Variants in DNAI1 observed in about 807,000 individuals in gnomAD.
DNAI1 encodes the protein dynein, axonemal, intermediate polypeptide 1.
DNAI1 carries 67 observed loss-of-function variants against 92.0 expected under a neutral mutation model. The ratio of observed to expected loss-of-function variants is 0.73; its 90% confidence interval spans 0.60 to 0.89. The LOEUF (loss-of-function observed/expected upper bound fraction) is 0.89, where lower values mean the gene tolerates loss of function less well. DNAI1 is among the 40% of genes least tolerant of loss of function. The pLI is 0.00. For synonymous variants in DNAI1, 323 were observed against 319.6 expected (o/e 1.01, Z -0.11); for missense variants, 839 against 866.6 (o/e 0.97, Z 0.40).
chr9:34,520,312 G>GC (rs1225259847), intron 19 of DNAI1, among the ~76,000 whole-genome samples: 1 of 152,140 alleles, frequency 6.6e-6, no homozygotes, highest in South Asian at 2.1e-4. Context: ...CCAGCAGTCA[G>GC]CCCCCCGCCT....
chr9:34,497,446 G>GT (rs1301751556), intron 10 of DNAI1, among the ~76,000 whole-genome samples: 6 of 152,222 alleles, frequency 3.9e-5, no homozygotes, highest in African/African-American at 1.4e-4. Flanking sequence ...CTGCACATGG[G>GT]TGATCCAATC....
At chr9:34,501,752 A>G (rs1824835662) in intron 12 of DNAI1, among the ~76,000 whole-genome samples, 2 of 149,256 alleles carry the variant, frequency 1.3e-5, no homozygotes, top group African/African-American at 4.9e-5. Flanking sequence ...CCTCCTCCTC[A>G]GGCCTTCCTG....
intron 19 of DNAI1, among the ~76,000 whole-genome samples, chr9:34,519,496 GAAGA>G (rs1825226400): frequency 6.6e-6 from 1 of 152,106 alleles, no homozygotes; most frequent in Non-Finnish European, 1.5e-5. Context: ...AGGAGAGAGG[GAAGA>G]GAGAGAAAAA....
Position 34,500,758 on chromosome 9 carries a change from G to A in DNAI1, c.938G>A (p.Arg313Gln), listed in dbSNP as rs1366103023. Reference sequence around the variant, plus strand: ...TATGACGATGCTGCTGATGAATACCGGGACCAGGTGGGTACCCTGCTGCCG... The same window carrying A: ...TATGACGATGCTGCTGATGAATACCAGGACCAGGTGGGTACCCTGCTGCCG... ...KYYDDAADEY[R>Q]DQVGTLLPLW... is the part of the protein sequence containing the mutation. The change falls in exon 11 of 20, where the codon CGG becomes CAG. Residue 313 changes from arginine to glutamine, a missense_variant. By Grantham distance (43) the Arg-to-Gln change is conservative (BLOSUM62 1). Coordinates refer to ENST00000242317, the MANE Select transcript of DNAI1 (RefSeq NM_012144.4). The A allele has an allele frequency of 1.2e-5, 19 of 1,613,832 alleles. No individual in the cohort carries two copies. The East Asian group carries it at 1.8e-4, about 15-fold the overall frequency.
intron 12 of DNAI1, among the ~76,000 whole-genome samples, chr9:34,503,373 C>G (rs1187274036): frequency 6.6e-6 from 1 of 152,168 alleles, no homozygotes; most frequent in Non-Finnish European, 1.5e-5. Flanking sequence ...CTATGAGGAG[C>G]AGCTGGTCTC....
In DNAI1 at chr9:34,485,175, A is replaced by T; in HGVS notation, c.115A>T (p.Thr39Ser). 6.2e-7 allele frequency: 1 copy of T among 1,614,228 alleles called. No individual in the cohort carries two copies. Among genetic ancestry groups the T allele is most frequent in the African/African-American group, 1.3e-5 (1 of 75,058 alleles). The change falls in exon 3 of 20, where the codon ACA (threonine) becomes TCA (serine). Residue 39 changes from threonine (T) to serine (S), a missense_variant. Coordinates refer to ENST00000242317, the MANE Select transcript of DNAI1 (RefSeq NM_012144.4). ...TTCAGGGACTGAAGTGGGAGAAGGCACAGATGAATGGGCCCAATCCAAAGC... is the reference window on the plus strand; with the variant it reads ...TTCAGGGACTGAAGTGGGAGAAGGCTCAGATGAATGGGCCCAATCCAAAGC... ...EDSGTEVGEG[T>S]DEWAQSKATV... is the part of the protein sequence containing the mutation.
chr9:34,498,846 T>A (rs1282843437), intron 10 of DNAI1, among the ~76,000 whole-genome samples: 1 of 152,184 alleles, frequency 6.6e-6, no homozygotes, highest in African/African-American at 2.4e-5. Context: ...CTCATTATCA[T>A]TCAGGCTGGA....
chr9:34,519,685 C>G (rs761635068), intron 19 of DNAI1, among the ~76,000 whole-genome samples: 1 of 152,190 alleles, frequency 6.6e-6, no homozygotes, highest in African/African-American at 2.4e-5. Context: ...GAAGGGCCTA[C>G]TGGCCCTGCA....
chr9:34,484,150 G>A (rs2132056487), intron 2 of DNAI1, among the ~76,000 whole-genome samples: 1 of 152,302 alleles, frequency 6.6e-6, no homozygotes, highest in South Asian at 2.1e-4. Context: ...AGAAGGTGGA[G>A]GTTATAGTGA....
intron 1 of DNAI1, among the ~76,000 whole-genome samples, chr9:34,461,336 T>A (rs1823948265): frequency 6.6e-6 from 1 of 152,200 alleles, no homozygotes; most frequent in Non-Finnish European, 1.5e-5. Context: ...AATGTACCAT[T>A]TTAGTTGTAC....
rs574838167 is a variant in DNAI1, at chr9:34,502,666, T to G, written c.1063+1485T>G. On this transcript the variant is annotated intron_variant, in intron 12 of 19. Transcript: ENST00000242317. ...GTCACCTCCCACCAGCAGAAGACCT[T>G]GAGCCTGACAAGCCCAGCAATGTCC... 2.6e-5 allele frequency among the ~76,000 whole-genome samples: 4 copies of G among 152,210 alleles called. No homozygotes were observed. In the East Asian group the frequency reaches 7.7e-4, roughly 29 times the overall value.
intron 1 of DNAI1, among the ~76,000 whole-genome samples, chr9:34,466,533 CAAACTCTA>C (rs1588087653): frequency 6.6e-6 from 1 of 152,174 alleles, no homozygotes; most frequent in East Asian, 1.9e-4. Context: ...ACAGACCTGG[CAAACTCTA>C]AGACACATTA....
At chr9:34,468,920 G>A (rs1824089711) in intron 1 of DNAI1, among the ~76,000 whole-genome samples, 1 of 151,994 alleles carries the variant, frequency 6.6e-6, no homozygotes, top group African/African-American at 2.4e-5. Flanking sequence ...GCCTTTGTGA[G>A]CTATGGAATA....
chr9:34,477,920 C>CT (rs1824268284), intron 1 of DNAI1, among the ~76,000 whole-genome samples: 2 of 75,936 alleles, frequency 2.6e-5, no homozygotes, highest in African/African-American at 5.1e-5. Flanking sequence ...CTCTCTCTCT[C>CT]TCTCTTTTTT....
intron 1 of DNAI1, among the ~76,000 whole-genome samples, chr9:34,475,920 C>T (rs988488175): frequency 1.3e-5 from 2 of 152,098 alleles, no homozygotes; most frequent in Non-Finnish European, 2.9e-5. Flanking sequence ...ACAAATAGAT[C>T]GCTTACATTG....
intron 5 of DNAI1, 59 bp downstream of exon 5, chr9:34,489,508 ACT>A: frequency 6.3e-7 from 1 of 1,599,650 alleles, no homozygotes; most frequent in South Asian, 1.1e-5. Context: ...TATTCTGGTC[ACT>A]CTAGGGAGTA....
At chr9:34,502,005 G>T (rs11794172) in intron 12 of DNAI1, among the ~76,000 whole-genome samples, 128 of 152,286 alleles carry the variant, frequency 8.4e-4, no homozygotes, top group Non-Finnish European at 1.3e-3. Flanking sequence ...CAGTAGTCTC[G>T]CTCCCCAGTG....
At chr9:34,460,826 T>G (rs1823939085) in intron 1 of DNAI1, among the ~76,000 whole-genome samples, 1 of 151,268 alleles carries the variant, frequency 6.6e-6, no homozygotes, top group Non-Finnish European at 1.5e-5. Context: ...GCCTGGCTAA[T>G]TTTTTTTTAT....
At chr9:34,462,388 C>T (rs192042284) in intron 1 of DNAI1, among the ~76,000 whole-genome samples, 2 of 152,272 alleles carry the variant, frequency 1.3e-5, no homozygotes, top group African/African-American at 4.8e-5. Flanking sequence ...TAAGCTTGGC[C>T]CTCATATTCT....
Sources: allele counts gnomAD v4.1 joint callset (sites outside exome capture counted in the v4.1 genomes callset), GRCh38; gene constraint gnomAD v4.1.1; transcripts MANE v1.5; gene names NCBI Gene and HGNC (gene_info 2026-07-23, HGNC 2026-07-21).